Variants in PAM observed in about 807,000 individuals in gnomAD.
The protein encoded by PAM is peptidylglycine alpha-amidating monooxygenase.
A neutral mutation model predicts 122.1 loss-of-function variants in PAM; 72 were observed. The ratio of observed to expected loss-of-function variants is 0.59; its 90% CI spans 0.49 to 0.72. The LOEUF is 0.72. Ranked by LOEUF, PAM falls within the 30% of genes least tolerant of loss-of-function variation. PAM has a pLI of 0.00. For missense variants in PAM, 1,106 were observed against 1,183.7 expected (o/e 0.93, Z 0.96); for synonymous variants, 389 against 404.4 (o/e 0.96, Z 0.46).
chr5:102,969,998 GAAC>G (rs1057217839), intron 14 of PAM, among the ~76,000 whole-genome samples: 3 of 152,156 alleles, frequency 2.0e-5, no homozygotes, highest in African/African-American at 4.8e-5. Context: ...GACCTGTAAA[GAAC>G]AACATTATAA....
intron 3 of PAM, among the ~76,000 whole-genome samples, chr5:102,883,862 C>G (rs1027407641): frequency 2.0e-5 from 3 of 151,806 alleles, no homozygotes; most frequent in Non-Finnish European, 4.4e-5. Context: ...TCATAAATGG[C>G]TTTTATTAAT....
intron 24 of PAM, 128 bp from the exon 25 acceptor site, chr5:103,028,057 T>A (rs966138710): frequency 4.3e-6 from 3 of 693,948 alleles, no homozygotes; most frequent in Non-Finnish European, 7.5e-6. Flanking sequence ...AAAATTAGAA[T>A]TGCATACAGA....
intron 1 of PAM, among the ~76,000 whole-genome samples, chr5:102,758,893 A>C (rs1353525719): frequency 6.6e-6 from 1 of 152,148 alleles, no homozygotes; most frequent in Admixed American, 6.5e-5. Context: ...ACATATATAA[A>C]AATATAAATA....
At chr5:102,842,023 T>G (rs1409691025) in intron 1 of PAM, among the ~76,000 whole-genome samples, 1 of 152,102 alleles carries the variant, frequency 6.6e-6, no homozygotes, top group African/African-American at 2.4e-5. Context: ...TTCTTCCTAT[T>G]GCATATCATA....
chr5:102,942,731 G>A (rs544217093), intron 7 of PAM, among the ~76,000 whole-genome samples: 38 of 108,264 alleles, frequency 3.5e-4, no homozygotes, highest in African/African-American at 1.3e-3. Context: ...CAGCATGCCC[G>A]GCTAATTTTT....
intron 1 of PAM, among the ~76,000 whole-genome samples, chr5:102,795,619 A>T (rs1561468015): frequency 6.6e-6 from 1 of 152,214 alleles, no homozygotes; most frequent in East Asian, 1.9e-4. Context: ...TCTGAGAGGG[A>T]AAACCAAAAT....
chr5:102,968,574 A>G (rs772140845), intron 14 of PAM, among the ~76,000 whole-genome samples: 3 of 152,216 alleles, frequency 2.0e-5, no homozygotes, highest in African/African-American at 7.2e-5. Context: ...TCTGTCAACA[A>G]TTGGTAAGCA....
At chr5:102,902,209 G>A (rs114846482) in intron 4 of PAM, among the ~76,000 whole-genome samples, 2,532 of 151,680 alleles carry the variant, frequency 0.017, 79 homozygotes, top group African/African-American at 0.057. Flanking sequence ...ATCTTCAAGT[G>A]GGCTGTCTGA....
chr5:102,878,296 G>A (rs2151090552), intron 3 of PAM, among the ~76,000 whole-genome samples: 1 of 152,252 alleles, frequency 6.6e-6, no homozygotes, highest in Admixed American at 6.5e-5. Context: ...ACCTAGTGAT[G>A]TAGCTTTCAT....
At chr5:102,812,294 A>G (rs1768158937) in intron 1 of PAM, among the ~76,000 whole-genome samples, 2 of 152,290 alleles carry the variant, frequency 1.3e-5, no homozygotes, top group South Asian at 4.1e-4. Flanking sequence ...TTAATCATAC[A>G]TTTAAGCCAA....
At chr5:102,834,176 T>G (rs468000) in intron 1 of PAM, among the ~76,000 whole-genome samples, 3 of 151,862 alleles carry the variant, frequency 2.0e-5, no homozygotes, top group Admixed American at 6.6e-5. Flanking sequence ...TGTTTTGTGA[T>G]GATTTTTTAA....
chr5:102,772,948 A>G (rs1217627840), intron 1 of PAM, among the ~76,000 whole-genome samples: 2 of 152,138 alleles, frequency 1.3e-5, no homozygotes, highest in Non-Finnish European at 2.9e-5. Context: ...ATAATATGTC[A>G]TATACCTTGG....
Position 102,914,036 on chromosome 5 carries a change from T to G in PAM, c.356+15T>G, listed in dbSNP as rs1224152947. The G allele has an allele frequency of 7.3e-7, 1 of 1,373,678 alleles. No individual in the cohort carries two copies. The highest frequency in any genetic ancestry group is 1.7e-5 in the Admixed American group (1 of 59,594). The allele number at this position is 1,373,678 out of a possible 1,614,324, so 85.1% of individuals were successfully genotyped here. A position where few individuals can be genotyped will look rare whatever the true frequency, so the allele number is the denominator to read the frequency against. ...GGAAGTTACTGGTAAGGATAATGGG[T>G]TTACAGTATAGAAGGGTGTAGAAAA... On this transcript the variant is annotated intron_variant, in intron 5 of 25. Transcript: ENST00000438793.
chr5:102,967,343 G>T (rs550435723), intron 14 of PAM, among the ~76,000 whole-genome samples: 1 of 152,264 alleles, frequency 6.6e-6, no homozygotes, highest in South Asian at 2.1e-4. Flanking sequence ...AAGATCTAGA[G>T]CATTTGGGTA....
At chr5:102,760,368 TTCTG>T (rs976768353) in intron 1 of PAM, among the ~76,000 whole-genome samples, 1 of 152,186 alleles carries the variant, frequency 6.6e-6, no homozygotes, top group Non-Finnish European at 1.5e-5. Context: ...CCCTAGAATT[TTCTG>T]TCTTCTTCCA....
At chr5:102,823,241 G>C (rs529194228) in intron 1 of PAM, among the ~76,000 whole-genome samples, 1 of 152,272 alleles carries the variant, frequency 6.6e-6, no homozygotes, top group South Asian at 2.1e-4. Context: ...AAAGCTGAGA[G>C]TTTGAATACT....
chr5:102,953,795 C>T (rs983800113), intron 12 of PAM, among the ~76,000 whole-genome samples: 5 of 152,168 alleles, frequency 3.3e-5, no homozygotes, highest in African/African-American at 1.2e-4. Flanking sequence ...GGGCAGATTG[C>T]CTGAGGTCAG....
At chr5:102,919,206 A>G (rs1245347643) in intron 5 of PAM, among the ~76,000 whole-genome samples, 1 of 152,132 alleles carries the variant, frequency 6.6e-6, no homozygotes, top group Non-Finnish European at 1.5e-5. Flanking sequence ...TTTAAATGCC[A>G]CTATCTCCAC....
chr5:102,882,044 C>A (rs1395641923), intron 3 of PAM, among the ~76,000 whole-genome samples: 1 of 100,780 alleles, frequency 9.9e-6, no homozygotes, highest in African/African-American at 3.8e-5. Context: ...AGTAGTATTC[C>A]ATCGTGGAAT....
Sources: gnomAD v4.1 joint callset for allele counts (sites outside exome capture counted in the v4.1 genomes callset) on GRCh38, gnomAD v4.1.1 for gene constraint, MANE v1.5 for transcripts, NCBI Gene and HGNC (gene_info 2026-07-23, HGNC 2026-07-21) for gene names.